The following HHLA2 variants were observed in gnomAD, a reference collection of about 807,000 sequenced individuals.
HHLA2 encodes the protein HHLA2 member of B7 family.
Under a neutral mutation model 45.9 loss-of-function variants are expected in HHLA2, and 48 were observed. That is an observed-to-expected ratio of 1.05 (90% confidence interval 0.83 to 1.33). The LOEUF is 1.33. Among genes scored for constraint, HHLA2 ranks in the 40% most tolerant of loss-of-function variants. HHLA2 has a pLI of 0.00. For missense variants in HHLA2, 462 were observed against 494.3 expected, an observed-to-expected ratio of 0.93 and a Z score of 0.62; for synonymous variants, 161 against 173.9, an observed-to-expected ratio of 0.93 and a Z score of 0.59.
intron 2 of HHLA2, among the ~76,000 whole-genome samples, chr3:108,312,140 C>T (rs1019705282): frequency 6.9e-6 from 1 of 145,608 alleles, no homozygotes; most frequent in African/African-American, 2.5e-5. Context: ...TCTGCATCCT[C>T]TTAGTGGCTC....
intron 3 of HHLA2, among the ~76,000 whole-genome samples, chr3:108,349,519 A>G (rs1399432751): frequency 1.3e-5 from 2 of 152,236 alleles, no homozygotes; most frequent in Non-Finnish European, 2.9e-5. Flanking sequence ...ACCAACCAAA[A>G]AAAGTCCAGG....
intron 2 of HHLA2, chr3:108,311,857 A>G (rs1465097027): frequency 1.3e-5 from 2 of 152,232 alleles, no homozygotes; most frequent in African/African-American, 2.4e-5. Context: ...CTCACTTGGT[A>G]TGAACAGAAT....
intron 3 of HHLA2, among the ~76,000 whole-genome samples, chr3:108,345,632 T>G (rs1449984380): frequency 6.6e-6 from 1 of 152,164 alleles, no homozygotes; most frequent in East Asian, 1.9e-4. Context: ...ATGTCCTCTA[T>G]TATGCCTTCC....
intron 1 of HHLA2, among the ~76,000 whole-genome samples, chr3:108,298,575 T>A (rs2080800626): frequency 6.6e-6 from 1 of 152,226 alleles, no homozygotes; most frequent in Admixed American, 6.5e-5. Flanking sequence ...AGAAGCTTGC[T>A]TTTCTCTGGA....
intron 1 of HHLA2, among the ~76,000 whole-genome samples, chr3:108,309,092 T>C (rs982367872): frequency 1.3e-5 from 2 of 152,198 alleles, no homozygotes; most frequent in Non-Finnish European, 2.9e-5. Flanking sequence ...CCCAGACCAA[T>C]GTCCTAGAGA....
At chr3:108,374,661 T>C (rs2082240759) in intron 8 of HHLA2, among the ~76,000 whole-genome samples, 1 of 150,698 alleles carries the variant, frequency 6.6e-6, no homozygotes. Flanking sequence ...CATCAAAAAG[T>C]GGGCAAAGGA....
intron 3 of HHLA2, among the ~76,000 whole-genome samples, chr3:108,345,188 G>A (rs2081640166): frequency 6.6e-6 from 1 of 152,202 alleles, no homozygotes; most frequent in African/African-American, 2.4e-5. Flanking sequence ...TCAGGTGAAG[G>A]CTCAGCCTGA....
chr3:108,348,422 G>A (rs1036922807), intron 3 of HHLA2, among the ~76,000 whole-genome samples: 1 of 152,186 alleles, frequency 6.6e-6, no homozygotes, highest in African/African-American at 2.4e-5. Context: ...CCGAGAGTTG[G>A]TAGGACATTT....
intron 3 of HHLA2, among the ~76,000 whole-genome samples, chr3:108,335,646 T>G (rs539761175): frequency 6.6e-6 from 1 of 152,272 alleles, no homozygotes; most frequent in South Asian, 2.1e-4. Context: ...GAACATTCAA[T>G]GGATCCAGAA....
At chr3:108,330,223 T>C (rs1177753275) in intron 3 of HHLA2, among the ~76,000 whole-genome samples, 1 of 152,186 alleles carries the variant, frequency 6.6e-6, no homozygotes, top group Non-Finnish European at 1.5e-5. Flanking sequence ...CTATTGGTTA[T>C]ACAGACCAGC....
Position 108,342,886 on chromosome 3 carries a change from C to T in HHLA2, c.-26-8902C>T, listed in dbSNP as rs1253078538. On this transcript the variant is annotated intron_variant, in intron 3 of 10. Coordinates refer to ENST00000619531, the Ensembl canonical transcript of HHLA2. ...CTTAACACCCTGCCCCTTCCAAGCTCAAGCGTCTTTCCTGTTTCCTTCCAC... is the reference window on the plus strand; with the variant it reads ...CTTAACACCCTGCCCCTTCCAAGCTTAAGCGTCTTTCCTGTTTCCTTCCAC... 5.3e-5 allele frequency among the ~76,000 whole-genome samples: 8 copies of T among 152,288 alleles called. No individual in the cohort carries two copies. In the East Asian group the frequency reaches 1.3e-3, roughly 26 times the overall value.
rs556716366 is a variant in HHLA2 at position 108,305,302 on chromosome 3, G to A, written c.-191-5353G>A. Reference sequence around the variant, plus strand: ...AGGGAAGATGGGCAGCTTTGTAAACGGACAGATTACCATGCTGGCTACTGC... The same window carrying A: ...AGGGAAGATGGGCAGCTTTGTAAACAGACAGATTACCATGCTGGCTACTGC... On this transcript the variant is annotated intron_variant, in intron 1 of 10. Transcript: ENST00000619531. Among the ~76,000 whole-genome samples the A allele has an allele frequency of 8.5e-5, 13 of 152,200 alleles. No homozygotes were observed. In the East Asian group the frequency reaches 1.4e-3, roughly 16 times the overall value.
chr3:108,302,942 T>C (rs944100881), intron 1 of HHLA2: 1 of 152,224 alleles, frequency 6.6e-6, no homozygotes, highest in Non-Finnish European at 1.5e-5. Context: ...CTCGGTATGC[T>C]CTGTTGTCTT....
At chr3:108,333,829 C>T (rs1345826668) in intron 3 of HHLA2, among the ~76,000 whole-genome samples, 2 of 152,224 alleles carry the variant, frequency 1.3e-5, no homozygotes, top group East Asian at 1.9e-4. Flanking sequence ...TGCTGTCCTA[C>T]GCTAGATGAC....
intron 3 of HHLA2, among the ~76,000 whole-genome samples, chr3:108,346,184 G>A (rs1481202505): frequency 3.3e-5 from 5 of 152,064 alleles, no homozygotes; most frequent in East Asian, 1.9e-4. Context: ...AAACAGAACC[G>A]AAGGCAAAGA....
At chr3:108,325,774 G>T in intron 2 of HHLA2, 1 of 282,494 alleles carries the variant, frequency 3.5e-6, no homozygotes, top group Non-Finnish European at 6.9e-6. Context: ...TGCCACCAAA[G>T]CCACCACAAC....
chr3:108,375,586 C>A (rs1005635337), intron 8 of HHLA2, among the ~76,000 whole-genome samples, 164 bp from the exon 8 acceptor site: 1 of 151,892 alleles, frequency 6.6e-6, no homozygotes, highest in Non-Finnish European at 1.5e-5. Context: ...CAAAAAATAA[C>A]TAAGATCAGA....
chr3:108,307,714 AAAACTTAAG>A (rs1424445775), intron 1 of HHLA2, among the ~76,000 whole-genome samples: 1 of 152,158 alleles, frequency 6.6e-6, no homozygotes, highest in Non-Finnish European at 1.5e-5. Flanking sequence ...TTCATTTGTC[AAAACTTAAG>A]AAATTATCAT....
chr3:108,354,101 A>G (rs1412748357), intron 5 of HHLA2, among the ~76,000 whole-genome samples: 1 of 152,176 alleles, frequency 6.6e-6, no homozygotes, highest in Non-Finnish European at 1.5e-5. Flanking sequence ...GCAGCATAAG[A>G]CTATCCACTT....
Sources: allele counts gnomAD v4.1 joint callset (sites outside exome capture counted in the v4.1 genomes callset), GRCh38; gene constraint gnomAD v4.1.1; transcripts MANE v1.5; gene names NCBI Gene and HGNC (gene_info 2026-07-23, HGNC 2026-07-21).